NUP98: variants seen among roughly 807,000 people sequenced by gnomAD.
NUP98 encodes the protein nucleoporin 98 and 96 precursor.
NUP98 carries 26 observed loss-of-function variants against 191.9 expected under a neutral mutation model. That is an observed-to-expected ratio of 0.14 (90% CI 0.10 to 0.19). The LOEUF (loss-of-function observed/expected upper bound fraction) is 0.19, where lower values mean the gene tolerates loss of function less well. Ranked by LOEUF, NUP98 falls within the 10% of genes least tolerant of loss-of-function variation. NUP98 has a pLI of 1.00. For synonymous variants in NUP98, 808 were observed against 778.4 expected, an observed-to-expected ratio of 1.04 and a Z score of -0.63; for missense variants, 1,941 against 2,178.8, an observed-to-expected ratio of 0.89 and a Z score of 2.17.
chr11:3,700,893 G>A (rs1453840677), intron 23 of NUP98, 54 bp from the exon 24 acceptor site: 5 of 1,215,040 alleles, frequency 4.1e-6, no homozygotes, highest in Non-Finnish European at 5.9e-6. Context: ...CAGAAGCTAG[G>A]ATTTTTACTT....
intron 1 of NUP98, among the ~76,000 whole-genome samples, chr11:3,787,266 A>G (rs955944384): frequency 6.6e-6 from 1 of 152,218 alleles, no homozygotes. Context: ...TGATCAAGCC[A>G]TTCCCTTGGT....
chr11:3,754,146 T>A (rs1159889857), intron 10 of NUP98, among the ~76,000 whole-genome samples: 1 of 151,894 alleles, frequency 6.6e-6, no homozygotes, highest in Non-Finnish European at 1.5e-5. Context: ...ATGAAACAAC[T>A]GGCCAGGTGT....
rs780753998 is a variant in NUP98 at position 3,676,243 on chromosome 11, A to G, written c.5319T>C (p.Leu1773=). Residue 1773 remains leucine, a synonymous_variant, in exon 33 of 33, where the codon CTT becomes CTC. Coordinates refer to ENST00000324932, the MANE Select transcript of NUP98 (RefSeq NM_016320.5). ...LRLLAPHIGR[L]PMPEDYAMDE... ...CCATGGCATAGTCCTCAGGCATGGG[A>G]AGCCGGCCAATGTGGGGAGCCAAGA... 1 of 1,614,142 alleles carries G rather than the reference A, an allele frequency of 6.2e-7. No individual in the cohort carries two copies. The highest frequency in any genetic ancestry group is 1.1e-5 in the South Asian group (1 of 91,072).
chr11:3,686,233 G>A lies in NUP98; in HGVS notation c.4455-39C>T, dbSNP rs2078129243. 1.9e-6 allele frequency: 3 copies of A among 1,582,716 alleles called. No individual in the cohort carries two copies. In the South Asian group the frequency reaches 3.3e-5, roughly 18 times the overall value. ...GTTGAGAGTCAACATACACAGCCAG[G>A]AGACGGCCTGGACTGATATGTCAAC... On this transcript the variant is annotated intron_variant, in intron 28 of 32. Coordinates refer to ENST00000324932, the MANE Select transcript of NUP98 (RefSeq NM_016320.5).
chr11:3,744,584 T>C lies in NUP98; in HGVS notation c.1333A>G (p.Thr445Ala), dbSNP rs148494011. The C allele has an allele frequency of 6.2e-7, 1 of 1,613,738 alleles. No individual in the cohort carries two copies. Among genetic ancestry groups the C allele is most frequent in the Non-Finnish European group, 8.5e-7 (1 of 1,179,738 alleles). ...NQPKIGGPLG[T>A]GAFGAPGFNT... ...AATCCAGGGGCCCCAAAGGCTCCTG[T>C]ACCAAGAGGCCCTCCAATCTTAGGT... The change falls in exon 12 of 33, where the codon ACA (threonine) becomes GCA (alanine). Residue 445 changes from threonine (T) to alanine (A), a missense_variant. Coordinates refer to ENST00000324932, the MANE Select transcript of NUP98 (RefSeq NM_016320.5).
At chr11:3,677,996 A>G (rs1282790294) in intron 31 of NUP98, among the ~76,000 whole-genome samples, 1 of 151,388 alleles carries the variant, frequency 6.6e-6, no homozygotes, top group African/African-American at 2.4e-5. Flanking sequence ...ACACACACAC[A>G]AAGCTGGGTG....
chr11:3,765,229 G>A (rs796847077), intron 8 of NUP98, among the ~76,000 whole-genome samples: 8 of 152,024 alleles, frequency 5.3e-5, no homozygotes, highest in African/African-American at 1.4e-4. Flanking sequence ...TCATTATGTC[G>A]CTCAGGCTAG....
chr11:3,685,825 G>C lies in NUP98; in HGVS notation c.4676+148C>G, dbSNP rs531021551. On this transcript the variant is annotated intron_variant, in intron 29 of 32. Coordinates refer to ENST00000324932, the MANE Select transcript of NUP98 (RefSeq NM_016320.5). ...AATACAGAAACAGTCTAGGCTAAGG[G>C]TTTAACTATCTTGAGGTTTATCACA... 6 of 656,382 alleles carry C rather than the reference G, an allele frequency of 9.1e-6. No individual in the cohort carries two copies. In the African/African-American group the frequency reaches 1.1e-4, roughly 12 times the overall value. 40.7% of individuals were successfully genotyped at this position (656,382 alleles called of 1,614,324 possible). A position where few individuals can be genotyped will look rare whatever the true frequency, so the allele number is the denominator to read the frequency against.
chr11:3,752,976 C>A (rs1197635449), intron 11 of NUP98, among the ~76,000 whole-genome samples: 1 of 152,146 alleles, frequency 6.6e-6, no homozygotes, highest in Non-Finnish European at 1.5e-5. Flanking sequence ...CTTTGATGAA[C>A]AGTTTAAGGT....
intron 18 of NUP98, among the ~76,000 whole-genome samples, chr11:3,719,014 G>A (rs2079289980): frequency 6.6e-6 from 1 of 152,000 alleles, no homozygotes; most frequent in Non-Finnish European, 1.5e-5. Flanking sequence ...CAGCTACTTG[G>A]GAGGCTGAGG....
At chr11:3,732,627 A>G (rs183844483) in intron 13 of NUP98, among the ~76,000 whole-genome samples, 80 of 152,366 alleles carry the variant, frequency 5.3e-4, no homozygotes, top group African/African-American at 1.9e-3. Context: ...TACCAGAAAT[A>G]AAGTTACTTC....
chr11:3,774,275 G>A (rs540349549), intron 5 of NUP98, among the ~76,000 whole-genome samples: 8 of 152,124 alleles, frequency 5.3e-5, no homozygotes, highest in African/African-American at 1.9e-4. Flanking sequence ...AGCCAGGCGT[G>A]GTAGCGTGCA....
chr11:3,704,064 T>C (rs2078788674), intron 22 of NUP98, among the ~76,000 whole-genome samples: 1 of 152,200 alleles, frequency 6.6e-6, no homozygotes, highest in African/African-American at 2.4e-5. Context: ...TTAAATATTA[T>C]TGAAGTACCA....
At chr11:3,711,816 T>C in intron 20 of NUP98, 9 of 1,023,884 alleles carry the variant, frequency 8.8e-6, no homozygotes, top group East Asian at 6.1e-5. Flanking sequence ...AACATGTATA[T>C]ACACACATTC....
At chr11:3,792,178 C>CA (rs61471948) in intron 1 of NUP98, among the ~76,000 whole-genome samples, 725 of 58,854 alleles carry the variant, frequency 0.012, 120 homozygotes, top group Middle Eastern at 0.045. Flanking sequence ...AACTCCATCT[C>CA]AAAAAAAAAA....
chr11:3,741,932 T>G (rs1158632697), intron 12 of NUP98, among the ~76,000 whole-genome samples: 3 of 152,244 alleles, frequency 2.0e-5, no homozygotes, highest in Non-Finnish European at 4.4e-5. Context: ...TTCAGACCTC[T>G]AAGTAGTCAA....
intron 14 of NUP98, among the ~76,000 whole-genome samples, chr11:3,727,591 G>A (rs2079669074): frequency 6.6e-6 from 1 of 152,094 alleles, no homozygotes; most frequent in Non-Finnish European, 1.5e-5. Context: ...AAGGTGGCAT[G>A]GTGGGTTTCG....
chr11:3,685,802 T>C (rs756448925), intron 29 of NUP98, among the ~76,000 whole-genome samples, 171 bp downstream of exon 29: 5 of 152,236 alleles, frequency 3.3e-5, no homozygotes, highest in East Asian at 3.8e-4. Flanking sequence ...TTTACATGAA[T>C]ACAGAAACAG....
At chr11:3,766,904 CAT>C (rs1351112308) in intron 8 of NUP98, among the ~76,000 whole-genome samples, 2 of 152,084 alleles carry the variant, frequency 1.3e-5, no homozygotes, top group African/African-American at 4.8e-5. Flanking sequence ...GATTAATGAT[CAT>C]ATGTTGAACC....
Sources: allele counts gnomAD v4.1 joint callset (sites outside exome capture counted in the v4.1 genomes callset), GRCh38; gene constraint gnomAD v4.1.1; transcripts MANE v1.5; gene names NCBI Gene and HGNC (gene_info 2026-07-23, HGNC 2026-07-21).